The following APBB1IP variants were observed in gnomAD, a reference collection of about 807,000 sequenced individuals.
APBB1IP encodes the protein amyloid beta precursor protein binding family B member 1 interacting protein, also known as amyloid beta A4 precursor protein-binding family B member 1-interacting protein.
A neutral mutation model predicts 64.9 loss-of-function variants in APBB1IP; 27 were observed. The ratio of observed to expected loss-of-function variants is 0.42; its 90% CI spans 0.31 to 0.57. The LOEUF is 0.57. APBB1IP is among the 20% of genes least tolerant of loss of function. APBB1IP has a pLI of 0.20. For missense variants in APBB1IP, 812 were observed against 845.5 expected (o/e 0.96, Z 0.49); for synonymous variants, 392 against 331.0 (o/e 1.18, Z -2.00).
chr10:26,533,353 T>A, intron 8 of APBB1IP, 86 bp from the exon 9 acceptor site: 1 of 748,780 alleles, frequency 1.3e-6, no homozygotes, highest in Non-Finnish European at 2.1e-6. Flanking sequence ...ACTTAACATC[T>A]TCTTTCCAGC....
intron 11 of APBB1IP, among the ~76,000 whole-genome samples, chr10:26,551,892 T>C (rs1368792736): frequency 6.6e-6 from 1 of 151,490 alleles, no homozygotes; most frequent in Non-Finnish European, 1.5e-5. Flanking sequence ...GATGAATGGA[T>C]AGATTAATGG....
At chr10:26,566,853 A>G in intron 14 of APBB1IP, 108 bp from the exon 15 acceptor site, 1 of 1,295,484 alleles carries the variant, frequency 7.7e-7, no homozygotes, top group Non-Finnish European at 1.0e-6. Flanking sequence ...GCGCCACTGC[A>G]CTCAGCCTGG....
intron 2 of APBB1IP, among the ~76,000 whole-genome samples, chr10:26,481,631 C>A (rs562366535): frequency 6.6e-6 from 1 of 151,888 alleles, no homozygotes; most frequent in East Asian, 1.9e-4. Context: ...ACCACAGGTG[C>A]GCACCACTAT....
At chr10:26,553,649 C>T (rs1429581792) in intron 11 of APBB1IP, among the ~76,000 whole-genome samples, 2 of 152,080 alleles carry the variant, frequency 1.3e-5, no homozygotes, top group Non-Finnish European at 2.9e-5. Flanking sequence ...CAGAGGCAGA[C>T]CCTTTCTCTA....
At chr10:26,526,912 AC>A (rs1327538085) in intron 8 of APBB1IP, among the ~76,000 whole-genome samples, 1 of 152,308 alleles carries the variant, frequency 6.6e-6, no homozygotes, top group East Asian at 1.9e-4. Context: ...ATTATACTCT[AC>A]TGGTGGCTGC....
At chr10:26,502,188 G>T (rs975111349) in intron 5 of APBB1IP, among the ~76,000 whole-genome samples, 2 of 152,200 alleles carry the variant, frequency 1.3e-5, no homozygotes, top group Non-Finnish European at 2.9e-5. Flanking sequence ...TAATTAGAAT[G>T]TAACCAGAAC....
chr10:26,537,109 C>T lies in APBB1IP; in HGVS notation c.1044+892C>T, dbSNP rs968614880. Among the ~76,000 whole-genome samples, 5 of 152,058 alleles carry T rather than the reference C, an allele frequency of 3.3e-5. No homozygotes were observed. In the East Asian group the frequency reaches 9.6e-4, roughly 29 times the overall value. ...TATTCCTTGAAATGTAATTTTAACT[C>T]TTATTCTGACCATCAGCTCTCTCTA... On this transcript the variant is annotated intron_variant, in intron 10 of 14. Coordinates refer to ENST00000376236, the MANE Select transcript of APBB1IP (RefSeq NM_019043.4).
At chr10:26,458,979 T>G (rs1835558351) in intron 2 of APBB1IP, among the ~76,000 whole-genome samples, 1 of 152,078 alleles carries the variant, frequency 6.6e-6, no homozygotes, top group Non-Finnish European at 1.5e-5. Flanking sequence ...AGGGTACATG[T>G]GCACAATGTG....
Position 26,530,446 on chromosome 10 carries a change from C to CT in APBB1IP, c.814-2990dup, listed in dbSNP as rs1276465077. ...GTGGCTCACGCATGTAATCGCAGCACTTTGGGAGGCCGAGGCGGGCAGATC... is the reference window on the plus strand; with the variant it reads ...GTGGCTCACGCATGTAATCGCAGCACTTTTGGGAGGCCGAGGCGGGCAGATC... On this transcript the variant is annotated intron_variant, in intron 8 of 14. Transcript: ENST00000376236. 3.3e-5 allele frequency among the ~76,000 whole-genome samples: 5 copies of CT among 152,146 alleles called. No individual in the cohort carries two copies. In the East Asian group the frequency reaches 9.7e-4, roughly 29 times the overall value.
At chr10:26,502,594 A>C (rs904430884) in intron 5 of APBB1IP, among the ~76,000 whole-genome samples, 1 of 151,858 alleles carries the variant, frequency 6.6e-6, no homozygotes, top group African/African-American at 2.4e-5. Context: ...GTGAGCCAAG[A>C]TCACACTACT....
intron 2 of APBB1IP, among the ~76,000 whole-genome samples, chr10:26,439,695 G>A (rs754987641): frequency 2.0e-5 from 3 of 152,188 alleles, no homozygotes; most frequent in African/African-American, 4.8e-5. Flanking sequence ...AACTTTTAAT[G>A]TGATCCTTGA....
intron 2 of APBB1IP, among the ~76,000 whole-genome samples, chr10:26,454,812 G>T (rs752592922): frequency 2.0e-5 from 3 of 152,108 alleles, no homozygotes; most frequent in Non-Finnish European, 4.4e-5. Flanking sequence ...CCTGTATCCC[G>T]TACATATATA....
chr10:26,566,893 T>C, intron 14 of APBB1IP, 68 bp from the exon 15 acceptor site: 1 of 1,459,200 alleles, frequency 6.9e-7, no homozygotes, highest in East Asian at 2.8e-5. Flanking sequence ...TCTCCATTAA[T>C]TAATAACAAT....
At chr10:26,506,255 G>T (rs1005613595) in intron 6 of APBB1IP, among the ~76,000 whole-genome samples, 1 of 143,172 alleles carries the variant, frequency 7.0e-6, no homozygotes, top group African/African-American at 2.5e-5. Flanking sequence ...GTGTGTGGGG[G>T]GGGGGGGTGG....
chr10:26,492,215 C>G (rs1835963817), intron 2 of APBB1IP, 112 bp from the exon 3 acceptor site: 1 of 914,570 alleles, frequency 1.1e-6, no homozygotes, highest in South Asian at 1.5e-5. Context: ...TAGTCCTCTC[C>G]CAACTTAGCT....
chr10:26,484,045 C>T (rs1200318523), intron 2 of APBB1IP, among the ~76,000 whole-genome samples: 4 of 152,078 alleles, frequency 2.6e-5, no homozygotes, highest in Non-Finnish European at 5.9e-5. Flanking sequence ...GTGAAATTTG[C>T]AACCATTCAA....
chr10:26,547,475 C>T (rs1836781091), intron 11 of APBB1IP, among the ~76,000 whole-genome samples: 3 of 152,062 alleles, frequency 2.0e-5, no homozygotes, highest in African/African-American at 7.2e-5. Context: ...CAGTTTCGCT[C>T]TTGTTGACCA....
At chr10:26,531,599 GGA>G (rs1197381373) in intron 8 of APBB1IP, among the ~76,000 whole-genome samples, 4 of 150,964 alleles carry the variant, frequency 2.6e-5, no homozygotes, top group Non-Finnish European at 5.9e-5. Flanking sequence ...CCTGAGAGGC[GGA>G]GCTTGCAGTG....
intron 4 of APBB1IP, 75 bp from the exon 5 acceptor site, chr10:26,500,744 C>A: frequency 7.2e-7 from 1 of 1,392,964 alleles, no homozygotes; most frequent in Non-Finnish European, 9.8e-7. Context: ...AAATATTATG[C>A]TTAAAAATTA....
Sources: gnomAD v4.1 joint callset for allele counts (sites outside exome capture counted in the v4.1 genomes callset) on GRCh38, gnomAD v4.1.1 for gene constraint, MANE v1.5 for transcripts, NCBI Gene and HGNC (gene_info 2026-07-23, HGNC 2026-07-21) for gene names.